The following TYW1 variants were observed in gnomAD, a reference collection of about 807,000 sequenced individuals.
The protein encoded by TYW1 is S-adenosyl-L-methionine-dependent tRNA 4-demethylwyosine synthase TYW1.
Under a neutral mutation model 96.2 loss-of-function variants are expected in TYW1, and 46 were observed. The observed-to-expected ratio is 0.48, with a 90% CI of 0.38 to 0.61. The LOEUF (loss-of-function observed/expected upper bound fraction) is 0.61, where lower values mean the gene tolerates loss of function less well. Ranked by LOEUF, TYW1 falls within the 20% of genes least tolerant of loss-of-function variation. The pLI is 0.00. For synonymous variants in TYW1, 274 were observed against 323.0 expected, an observed-to-expected ratio of 0.85 and a Z score of 1.63; for missense variants, 684 against 909.6, an observed-to-expected ratio of 0.75 and a Z score of 3.19.
At chr7:67,213,050 T>C (rs1801090231) in intron 15 of TYW1, among the ~76,000 whole-genome samples, 1 of 152,086 alleles carries the variant, frequency 6.6e-6, no homozygotes, top group African/African-American at 2.4e-5. Flanking sequence ...TTTTTGTATT[T>C]TTAGTAGAAA....
chr7:67,083,170 G>A (rs937270089), intron 10 of TYW1, among the ~76,000 whole-genome samples: 2 of 152,170 alleles, frequency 1.3e-5, no homozygotes, highest in East Asian at 1.9e-4. Flanking sequence ...AGCAGAGAGC[G>A]TTCTGTCAAC....
chr7:67,013,996 GC>G (rs1793916640), intron 4 of TYW1, among the ~76,000 whole-genome samples: 1 of 152,054 alleles, frequency 6.6e-6, no homozygotes, highest in Non-Finnish European at 1.5e-5. Flanking sequence ...GCCCGCCTCA[GC>G]CTCCCAAAGT....
intron 15 of TYW1, among the ~76,000 whole-genome samples, chr7:67,226,296 GA>G (rs764987559): frequency 4.6e-5 from 7 of 152,164 alleles, no homozygotes; most frequent in Admixed American, 2.0e-4. Flanking sequence ...GTAGGACTAA[GA>G]AATTAGCCAA....
chr7:67,144,425 A>G (rs1798542367), intron 13 of TYW1, among the ~76,000 whole-genome samples: 1 of 152,208 alleles, frequency 6.6e-6, no homozygotes, highest in South Asian at 2.1e-4. Flanking sequence ...GGCGTACCCT[A>G]CAGGTCACCT....
intron 10 of TYW1, among the ~76,000 whole-genome samples, chr7:67,082,818 T>C (rs964185809): frequency 5.3e-5 from 8 of 152,274 alleles, no homozygotes; most frequent in African/African-American, 1.9e-4. Context: ...ATAGCTTGGG[T>C]TATGGCATTG....
At chr7:67,179,860 TATATA>T (rs1799781186) in intron 13 of TYW1, among the ~76,000 whole-genome samples, 1 of 109,820 alleles carries the variant, frequency 9.1e-6, no homozygotes, top group African/African-American at 3.6e-5. Context: ...TATATATATA[TATATA>T]TTTTTTTTTT....
intron 3 of TYW1, among the ~76,000 whole-genome samples, chr7:67,004,294 A>AT (rs1313252488): frequency 3.9e-5 from 6 of 152,110 alleles, no homozygotes. Flanking sequence ...GATGGGCCTA[A>AT]TGGGAGGTGT....
intron 13 of TYW1, among the ~76,000 whole-genome samples, chr7:67,180,632 C>CATTTATTTATTTATTT (rs375057980): frequency 0.06 from 8,898 of 147,450 alleles, 326 homozygotes; most frequent in African/African-American, 0.091. Context: ...AATAGAAATG[C>CATTTATTTATTTATTT]ATTTATTTAT....
chr7:67,013,271 C>T (rs1360469705), intron 4 of TYW1, among the ~76,000 whole-genome samples: 1 of 151,940 alleles, frequency 6.6e-6, no homozygotes, highest in Non-Finnish European at 1.5e-5. Context: ...TACAGGCACC[C>T]ACTACCACGC....
At chr7:67,178,702 G>A (rs2116287666) in intron 13 of TYW1, among the ~76,000 whole-genome samples, 1 of 152,094 alleles carries the variant, frequency 6.6e-6, no homozygotes, top group East Asian at 1.9e-4. Context: ...TGATTCCACT[G>A]ACATAAATTC....
chr7:67,152,527 T>G (rs920867333), intron 13 of TYW1, among the ~76,000 whole-genome samples: 13 of 152,190 alleles, frequency 8.5e-5, no homozygotes, highest in African/African-American at 1.9e-4. Flanking sequence ...CCCGCCACCC[T>G]GTTTGCACAC....
chr7:67,185,135 C>T (rs2421405), intron 14 of TYW1, among the ~76,000 whole-genome samples: 42,748 of 151,882 alleles, frequency 0.28, 6,525 homozygotes, highest in African/African-American at 0.4. Context: ...AGGTTGGCAG[C>T]GGCACAGGAT....
intron 12 of TYW1, among the ~76,000 whole-genome samples, chr7:67,109,779 C>G (rs916954800): frequency 3.9e-5 from 6 of 152,164 alleles, no homozygotes; most frequent in African/African-American, 9.7e-5. Flanking sequence ...ACTCGAGAGG[C>G]TGAGGCAAGA....
intron 3 of TYW1, among the ~76,000 whole-genome samples, chr7:67,008,233 T>A (rs1220064854): frequency 6.6e-6 from 1 of 152,180 alleles, no homozygotes; most frequent in Non-Finnish European, 1.5e-5. Flanking sequence ...TGGCCGTGTC[T>A]TCTCCCCAGC....
intron 7 of TYW1, among the ~76,000 whole-genome samples, chr7:67,043,359 C>CTTTTTTTTTTT (rs35321806): frequency 2.1e-5 from 3 of 143,018 alleles, no homozygotes; most frequent in Non-Finnish European, 4.5e-5. Context: ...CCCATTGCTA[C>CTTTTTTTTTTT]TTTTTTTTTT....
chr7:67,029,418 T>TACATATATATATATATACAC (rs1359150738), intron 7 of TYW1, among the ~76,000 whole-genome samples: 1 of 131,366 alleles, frequency 7.6e-6, no homozygotes, highest in Non-Finnish European at 1.6e-5. Flanking sequence ...TGTGTGTGTA[T>TACATATATATATATATACAC]ATATATATAT....
At position 67,108,028 on chromosome 7, in the gene TYW1, C is replaced by T. The variant is rs1044544480; in HGVS notation, c.1562+9310C>T. Among the ~76,000 whole-genome samples the T allele has an allele frequency of 1.6e-4, 24 of 151,922 alleles. No homozygotes were observed. In the East Asian group the frequency reaches 1.7e-3, roughly 11 times the overall value. ...AGTATCTGGGATTACAGGCATGCAC[C>T]GCCATGCCCAGCTAATTTTTGTATT... is the stretch of plus-strand genomic sequence containing the variant. On this transcript the variant is annotated intron_variant, in intron 12 of 15. Transcript: ENST00000359626.
intron 13 of TYW1, among the ~76,000 whole-genome samples, chr7:67,152,843 C>T (rs74972393): frequency 0.04 from 6,099 of 152,172 alleles, 178 homozygotes; most frequent in Middle Eastern, 0.1. Context: ...TCTGGTGATC[C>T]GCCTGCCTGG....
At position 67,183,192 on chromosome 7, in the gene TYW1, G is replaced by A. The variant is rs749076683; in HGVS notation, c.1765G>A (p.Ala589Thr). ...GAACGTGGACGAGCTCCAGGCCTAC[G>A]CGCAGCTCGTGTCCCTGGGGAATCC... The part of the protein sequence containing the change: ...AWNVDELQAY[A>T]QLVSLGNPDF... Residue 589 changes from alanine (A) to threonine (T), a missense_variant, in exon 14 of 16, where the codon GCG becomes ACG. Ala to Thr is a moderately conservative substitution (Grantham distance 58). Transcript: ENST00000359626. The A allele has an allele frequency of 7.2e-5, 116 of 1,610,882 alleles. No homozygotes were observed. The highest frequency in any genetic ancestry group is 8.8e-5 in the Non-Finnish European group (104 of 1,178,468).
Sources: allele counts gnomAD v4.1 joint callset (sites outside exome capture counted in the v4.1 genomes callset), GRCh38; gene constraint gnomAD v4.1.1; transcripts MANE v1.5; gene names NCBI Gene and HGNC (gene_info 2026-07-23, HGNC 2026-07-21).